Variants in KCNK13 observed in about 807,000 individuals in gnomAD.
The protein encoded by KCNK13 is potassium two pore domain channel subfamily K member 13.
A neutral mutation model predicts 23.4 loss-of-function variants in KCNK13; 12 were observed. That is an observed-to-expected ratio of 0.51 (90% confidence interval 0.33 to 0.83). KCNK13 has a LOEUF of 0.83. Among genes scored for constraint, KCNK13 ranks in the 40% least tolerant of loss-of-function variants. The pLI is 0.02. For synonymous variants in KCNK13, 231 were observed against 229.5 expected, an observed-to-expected ratio of 1.01 and a Z score of -0.06; for missense variants, 463 against 556.3, an observed-to-expected ratio of 0.83 and a Z score of 1.69.
At chr14:90,181,640 T>C (rs1196934527) in intron 1 of KCNK13, among the ~76,000 whole-genome samples, 2 of 152,148 alleles carry the variant, frequency 1.3e-5, no homozygotes, top group Non-Finnish European at 2.9e-5. Flanking sequence ...ATTATTGCTA[T>C]CACTTTGGCT....
chr14:90,133,528 G>T lies in KCNK13; in HGVS notation c.335-50583G>T, dbSNP rs114291501. 7.1e-3 allele frequency among the ~76,000 whole-genome samples: 1,050 copies of T among 148,082 alleles called. 14 individuals carry two copies. Among genetic ancestry groups the T allele is most frequent in the African/African-American group, 0.025 (1,020 of 40,064 alleles). On this transcript the variant is annotated intron_variant, in intron 1 of 1. Coordinates refer to ENST00000282146, the MANE Select transcript of KCNK13 (RefSeq NM_022054.4). The stretch of plus-strand genomic sequence containing the variant: ...ATTGTGCACTTTAAATACATAAACT[G>T]TACAGTGTGTGAATTATATCTCAAT...
intron 1 of KCNK13, among the ~76,000 whole-genome samples, chr14:90,092,912 C>CAAAAAAAAAAAAA (rs34122207): frequency 2.6e-5 from 2 of 78,296 alleles, no homozygotes; most frequent in Admixed American, 1.5e-4. Flanking sequence ...ACCCTGTCTC[C>CAAAAAAAAAAAAA]AAAAAAAAAA....
intron 1 of KCNK13, among the ~76,000 whole-genome samples, chr14:90,104,823 A>C: frequency 7.5e-6 from 1 of 133,652 alleles, no homozygotes; most frequent in African/African-American, 2.9e-5. Context: ...AGAGTCTCAC[A>C]CTGTCACCCA....
At chr14:90,174,215 C>T (rs1437093603) in intron 1 of KCNK13, among the ~76,000 whole-genome samples, 1 of 152,124 alleles carries the variant, frequency 6.6e-6, no homozygotes, top group Non-Finnish European at 1.5e-5. Flanking sequence ...GAGGCTGAGG[C>T]AGGAGAATGG....
intron 1 of KCNK13, among the ~76,000 whole-genome samples, chr14:90,144,606 A>G (rs889342614): frequency 2.0e-5 from 3 of 147,466 alleles, no homozygotes; most frequent in African/African-American, 7.5e-5. Context: ...AAGCCTCCCA[A>G]GTAGCTGGGA....
chr14:90,174,575 G>T (rs1251204818), intron 1 of KCNK13, among the ~76,000 whole-genome samples: 1 of 152,118 alleles, frequency 6.6e-6, no homozygotes, highest in African/African-American at 2.4e-5. Context: ...GGTCAGGCCG[G>T]GCATGGTGGC....
chr14:90,087,344 T>G (rs1455065641), intron 1 of KCNK13, among the ~76,000 whole-genome samples: 2 of 151,906 alleles, frequency 1.3e-5, no homozygotes, highest in African/African-American at 4.8e-5. Flanking sequence ...ATTTCATTGT[T>G]TAGTAACTGT....
chr14:90,096,586 C>T (rs1889413917), intron 1 of KCNK13, among the ~76,000 whole-genome samples: 1 of 152,118 alleles, frequency 6.6e-6, no homozygotes, highest in South Asian at 2.1e-4. Context: ...AGTCAAGGCC[C>T]TTTTGCTTGC....
intron 1 of KCNK13, among the ~76,000 whole-genome samples, chr14:90,067,980 A>C (rs1889028051): frequency 6.6e-6 from 1 of 152,002 alleles, no homozygotes; most frequent in Non-Finnish European, 1.5e-5. Context: ...ACCCACACCA[A>C]GTTCACTGTG....
intron 1 of KCNK13, among the ~76,000 whole-genome samples, chr14:90,107,315 T>A (rs1302916819): frequency 6.6e-6 from 1 of 151,948 alleles, no homozygotes; most frequent in African/African-American, 2.4e-5. Context: ...CCATCTCTAC[T>A]AAAATAGAAA....
intron 1 of KCNK13, among the ~76,000 whole-genome samples, chr14:90,101,828 C>G (rs1889484582): frequency 7.7e-6 from 1 of 130,710 alleles, no homozygotes; most frequent in Non-Finnish European, 1.7e-5. Flanking sequence ...CAAGTCACCG[C>G]TAAAGAACTT....
Position 90,132,412 on chromosome 14 carries a change from C to T in KCNK13, c.335-51699C>T, listed in dbSNP as rs936919974. 3.8e-4 allele frequency among the ~76,000 whole-genome samples: 58 copies of T among 152,014 alleles called. 2 individuals carry two copies. The highest frequency in any genetic ancestry group is 1.2e-3 in the African/African-American group (51 of 41,384). On this transcript the variant is annotated intron_variant, in intron 1 of 1. Coordinates refer to ENST00000282146, the MANE Select transcript of KCNK13 (RefSeq NM_022054.4). ...TACAAAAAATTAGCCGGTGTGGTGA[C>T]ATATGCCTGTAATCCCAGCTACTCA...
intron 1 of KCNK13, among the ~76,000 whole-genome samples, chr14:90,110,404 C>T (rs565997378): frequency 4.6e-5 from 7 of 150,892 alleles, no homozygotes; most frequent in Non-Finnish European, 8.9e-5. Flanking sequence ...CCCAGCTACT[C>T]GGGAGGCAGA....
chr14:90,105,259 C>T (rs1401858967), intron 1 of KCNK13, among the ~76,000 whole-genome samples: 1 of 152,110 alleles, frequency 6.6e-6, no homozygotes, highest in Non-Finnish European at 1.5e-5. Context: ...CCCTTTTCTT[C>T]TCTCAGCCCT....
In KCNK13 at chr14:90,184,323, G is replaced by A. The variant is rs1365617538; in HGVS notation, c.547G>A (p.Glu183Lys). Reference protein sequence around the residue: ...QESLKDAGQCEVDSLAGWKPS... With the variant: ...QESLKDAGQCKVDSLAGWKPS... ...GAGCCTGAAGGATGCGGGGCAGTGT[G>A]AGGTGGACAGCCTGGCCGGCTGGAA... Residue 183 changes from glutamate to lysine, a missense_variant, in exon 2 of 2, where the codon GAG becomes AAG. Glu to Lys is a moderately conservative substitution (Grantham distance 56). Transcript: ENST00000282146. The surrounding 1 kb of genome is among the most constrained non-coding windows in gnomAD (Gnocchi z 5.6). The A allele has an allele frequency of 6.2e-7, 1 of 1,614,254 alleles. No individual in the cohort carries two copies.
At chr14:90,147,414 G>C (rs1175427364) in intron 1 of KCNK13, among the ~76,000 whole-genome samples, 1 of 93,382 alleles carries the variant, frequency 1.1e-5, no homozygotes, top group East Asian at 3.3e-4. Flanking sequence ...CACCTGGCTT[G>C]TTTTTTTGGT....
chr14:90,077,574 T>C (rs1320332815), intron 1 of KCNK13, among the ~76,000 whole-genome samples: 1 of 152,238 alleles, frequency 6.6e-6, no homozygotes, highest in African/African-American at 2.4e-5. Context: ...TTTGCTTACT[T>C]TGATATTGTG....
At chr14:90,140,028 G>A (rs536498349) in intron 1 of KCNK13, among the ~76,000 whole-genome samples, 3 of 152,278 alleles carry the variant, frequency 2.0e-5, no homozygotes, top group South Asian at 2.1e-4. Context: ...TGAGGTCTTC[G>A]ACTGTGGGGT....
At chr14:90,085,621 T>C (rs113449557) in intron 1 of KCNK13, among the ~76,000 whole-genome samples, 1,889 of 148,824 alleles carry the variant, frequency 0.013, 53 homozygotes, top group African/African-American at 0.044. Context: ...ATCCATGCCA[T>C]TGCACTCCAG....
Sources: gnomAD v4.1 joint callset for allele counts (sites outside exome capture counted in the v4.1 genomes callset) on GRCh38, gnomAD v4.1.1 for gene constraint, Gnocchi (gnomAD v3.1) non-coding constraint, MANE v1.5 for transcripts, NCBI Gene and HGNC (gene_info 2026-07-23, HGNC 2026-07-21) for gene names.